Variants in RNF130 observed in about 807,000 individuals in gnomAD.
RNF130 encodes ring finger protein 130, also known as E3 ubiquitin-protein ligase RNF130.
RNF130 carries 21 observed loss-of-function variants against 44.6 expected under a neutral mutation model. That is an observed-to-expected ratio of 0.47 (90% CI 0.33 to 0.68). The LOEUF (loss-of-function observed/expected upper bound fraction) is 0.68, where lower values mean the gene tolerates loss of function less well. RNF130 is among the 30% of genes least tolerant of loss of function. The pLI, the probability that RNF130 is intolerant of heterozygous loss-of-function variation, is 0.02. For missense variants in RNF130, 479 were observed against 560.6 expected, an observed-to-expected ratio of 0.85 and a Z score of 1.47; for synonymous variants, 214 against 210.4, an observed-to-expected ratio of 1.02 and a Z score of -0.15.
chr5:180,029,844 A>C (rs918401033), intron 2 of RNF130, among the ~76,000 whole-genome samples: 6 of 115,352 alleles, frequency 5.2e-5, no homozygotes, highest in African/African-American at 2.0e-4. Flanking sequence ...CCTGGCCACT[A>C]TCCACCTCTT....
At chr5:179,965,057 T>C (rs1159302071) in intron 7 of RNF130, among the ~76,000 whole-genome samples, 1 of 152,248 alleles carries the variant, frequency 6.6e-6, no homozygotes, top group Non-Finnish European at 1.5e-5. Flanking sequence ...TTATATATGA[T>C]ATGCAGACTA....
At chr5:179,995,229 G>T (rs1360218890) in intron 3 of RNF130, among the ~76,000 whole-genome samples, 1 of 152,060 alleles carries the variant, frequency 6.6e-6, no homozygotes, top group African/African-American at 2.4e-5. Flanking sequence ...GAACCATCAG[G>T]ACTCATTTCC....
At chr5:180,047,723 G>A (rs997288791) in intron 1 of RNF130, among the ~76,000 whole-genome samples, 40 of 152,232 alleles carry the variant, frequency 2.6e-4, no homozygotes, top group East Asian at 7.7e-4. Flanking sequence ...CAGCCTGGGC[G>A]ACAGAGTGAG....
chr5:179,981,366 C>T lies in RNF130; in HGVS notation c.694-1166G>A, dbSNP rs12520005. 8.7e-3 allele frequency among the ~76,000 whole-genome samples: 1,317 copies of T among 152,242 alleles called. 25 individuals carry two copies. Among genetic ancestry groups the T allele is most frequent in the African/African-American group, 0.03 (1,225 of 41,514 alleles). ...GGGAAAAGGCAGATGCCGCTCCTGACGGAGCAAGGCGGGGACCAAAACAAC... is the reference window on the plus strand; with the variant it reads ...GGGAAAAGGCAGATGCCGCTCCTGATGGAGCAAGGCGGGGACCAAAACAAC... On this transcript the variant is annotated intron_variant, in intron 3 of 8. Transcript: ENST00000521389.
chr5:179,930,126 T>C (rs945881601), intron 7 of RNF130, among the ~76,000 whole-genome samples: 6 of 152,162 alleles, frequency 3.9e-5, no homozygotes, highest in Non-Finnish European at 7.4e-5. Context: ...GGCGTGATCT[T>C]GGCTCACTGC....
chr5:180,019,659 C>T (rs887109296), intron 2 of RNF130, among the ~76,000 whole-genome samples: 178 of 152,326 alleles, frequency 1.2e-3, no homozygotes, highest in African/African-American at 4.0e-3. Flanking sequence ...AAAACAGATA[C>T]ATTCTACATT....
rs1268947878 is a variant in RNF130, at chr5:179,937,933, T to TGTGTGA, written c.1151-17508_1151-17507insTCACAC. ...GTGTGTGTGTGTGTGTGTGTGTGTG[T>TGTGTGA]GAGAGAGAGAGAGAGAGAGAGAGAG... On this transcript the variant is annotated intron_variant, in intron 7 of 7. Transcript: ENST00000522208. Among the ~76,000 whole-genome samples, 652 of 116,252 alleles carry TGTGTGA rather than the reference T, an allele frequency of 5.6e-3. 5 individuals carry two copies. The highest frequency in any genetic ancestry group is 0.021 in the East Asian group (85 of 4,040). 76.3% of individuals were successfully genotyped at this position (116,252 alleles called of 152,430 possible). A position where few individuals can be genotyped will look rare whatever the true frequency, so the allele number is the denominator to read the frequency against.
intron 2 of RNF130, among the ~76,000 whole-genome samples, chr5:180,018,313 A>C (rs1186429072): frequency 6.6e-6 from 1 of 151,392 alleles, no homozygotes; most frequent in Non-Finnish European, 1.5e-5. Context: ...AAAAAAGAAA[A>C]GAAAAGAAAA....
At chr5:179,983,977 G>A (rs1762898112) in intron 3 of RNF130, among the ~76,000 whole-genome samples, 1 of 152,114 alleles carries the variant, frequency 6.6e-6, no homozygotes, top group African/African-American at 2.4e-5. Flanking sequence ...TCAAACTCCT[G>A]GGTTCAAATA....
intron 6 of RNF130, among the ~76,000 whole-genome samples, chr5:179,968,312 AC>A (rs1427843766): frequency 5.6e-5 from 8 of 143,884 alleles, no homozygotes; most frequent in Middle Eastern, 3.5e-3. Context: ...AAACAAACAA[AC>A]AAAAAAAGAA....
intron 5 of RNF130, among the ~76,000 whole-genome samples, 180 bp from the exon 6 acceptor site, chr5:179,970,686 C>T (rs868776736): frequency 1.3e-5 from 2 of 152,098 alleles, no homozygotes; most frequent in Non-Finnish European, 2.9e-5. Flanking sequence ...TCTCCTGAGC[C>T]CAACCTCATA....
chr5:179,998,750 GTTTC>G lies in RNF130; in HGVS notation c.693+14307_693+14310del, dbSNP rs1483024869. Among the ~76,000 whole-genome samples the G allele has an allele frequency of 7.3e-5, 11 of 150,894 alleles. No homozygotes were observed. The East Asian group carries it at 1.6e-3, about 21-fold the overall frequency. On this transcript the variant is annotated intron_variant, in intron 3 of 8. Transcript: ENST00000521389. ...GTCTAAAGTGCAGTTTAAACCCAAT[GTTTC>G]TTTATTTTCTGTCTAGATGATCTGT...
exon 8 of RNF130, chr5:179,913,548 A>T (rs1582116798): frequency 6.6e-6 from 1 of 152,248 alleles, no homozygotes; most frequent in South Asian, 2.1e-4. Flanking sequence ...TAAGAGCATC[A>T]CCCTTTCAGC....
chr5:180,028,446 C>T (rs939731889), intron 2 of RNF130, among the ~76,000 whole-genome samples: 1 of 152,110 alleles, frequency 6.6e-6, no homozygotes, highest in Admixed American at 6.6e-5. Flanking sequence ...ATTTTTGATT[C>T]ATGTGGTTCG....
At chr5:179,935,515 CGTGTGT>C (rs34977597) in intron 7 of RNF130, among the ~76,000 whole-genome samples, 1 of 150,512 alleles carries the variant, frequency 6.6e-6, no homozygotes, top group Non-Finnish European at 1.5e-5. Context: ...TATGTCAGCA[CGTGTGT>C]GTGTGTGTGT....
In RNF130 at chr5:180,071,682, C is replaced by T; in HGVS notation, c.21G>A (p.Ala7=). The T allele has an allele frequency of 7.2e-6, 10 of 1,397,608 alleles. No homozygotes were observed. The highest frequency in any genetic ancestry group is 9.3e-6 in the Non-Finnish European group (10 of 1,070,850). The allele number at this position is 1,397,608 out of a possible 1,614,324, so 86.6% of individuals were successfully genotyped here. A position where few individuals can be genotyped will look rare whatever the true frequency, so the allele number is the denominator to read the frequency against. The change falls in exon 1 of 9, where the codon GCG becomes GCA. Residue 7 remains alanine (A), a synonymous_variant. Transcript: ENST00000521389. MSCAGR[A]GPARLAALAL... Reference sequence around the variant, plus strand: ...CGAGCGCGGCGAGCCGGGCAGGGCCCGCCCGCCCCGCGCAGCTCATCGTCC... The same window carrying T: ...CGAGCGCGGCGAGCCGGGCAGGGCCTGCCCGCCCCGCGCAGCTCATCGTCC...
intron 3 of RNF130, among the ~76,000 whole-genome samples, chr5:180,011,502 A>G (rs1763595862): frequency 6.6e-6 from 1 of 152,236 alleles, no homozygotes; most frequent in Admixed American, 6.5e-5. Context: ...GGTGGTGTTC[A>G]CACCCATAAT....
chr5:179,973,697 G>A (rs1762640608), intron 5 of RNF130, among the ~76,000 whole-genome samples: 1 of 152,148 alleles, frequency 6.6e-6, no homozygotes, highest in Non-Finnish European at 1.5e-5. Flanking sequence ...CACCCAGGAG[G>A]CCTCAGAAAG....
At chr5:180,015,337 C>T (rs377316240) in intron 2 of RNF130, 5 of 533,500 alleles carry the variant, frequency 9.4e-6, no homozygotes, top group Admixed American at 1.9e-5. Context: ...GTAACTGAGA[C>T]GGATCCCACA....
Sources: gnomAD v4.1 joint callset for allele counts (sites outside exome capture counted in the v4.1 genomes callset) on GRCh38, gnomAD v4.1.1 for gene constraint, MANE v1.5 for transcripts, NCBI Gene and HGNC (gene_info 2026-07-23, HGNC 2026-07-21) for gene names.